Variants in ERCC8 observed in about 807,000 individuals in gnomAD.
The protein encoded by ERCC8 is DNA excision repair protein ERCC-8.
Under a neutral mutation model 54.9 loss-of-function variants are expected in ERCC8, and 52 were observed. The ratio of observed to expected loss-of-function variants is 0.95; its 90% CI spans 0.76 to 1.19. ERCC8 has a LOEUF of 1.19. Among genes scored for constraint, ERCC8 ranks in the 50% most tolerant of loss-of-function variants. The pLI, the probability that ERCC8 is intolerant of heterozygous loss-of-function variation, is 0.00. For synonymous variants in ERCC8, 146 were observed against 157.2 expected (o/e 0.93, Z 0.53); for missense variants, 514 against 466.1 (o/e 1.10, Z -0.95).
intron 4 of ERCC8, among the ~76,000 whole-genome samples, chr5:60,912,070 T>C (rs896957373): frequency 8.5e-5 from 13 of 152,108 alleles, no homozygotes; most frequent in Middle Eastern, 3.4e-3. Context: ...GTCTTGGTAA[T>C]GCGGGCTCTT....
chr5:60,944,410 C>CCTTA (rs1750361529), intron 1 of ERCC8, among the ~76,000 whole-genome samples: 1 of 152,170 alleles, frequency 6.6e-6, no homozygotes, highest in East Asian at 1.9e-4. Flanking sequence ...CACCTCTACT[C>CCTTA]AAGTACACAA....
At position 60,906,154 on chromosome 5, in the gene ERCC8, A is replaced by C. The variant is rs563580519; in HGVS notation, c.400-1281T>G. Among the ~76,000 whole-genome samples the C allele has an allele frequency of 4.6e-5, 7 of 152,280 alleles. No homozygotes were observed. In the South Asian group the frequency reaches 1.2e-3, roughly 27 times the overall value. On this transcript the variant is annotated intron_variant, in intron 4 of 11. Transcript: ENST00000676185. Reference sequence around the variant, plus strand: ...CCGGAATAATGGCTGGCAATCATTTATGTCTCTTTATTTATTTATTTATGA... The same window carrying C: ...CCGGAATAATGGCTGGCAATCATTTCTGTCTCTTTATTTATTTATTTATGA...
At chr5:60,878,876 T>C (rs1748108757) in intron 11 of ERCC8, among the ~76,000 whole-genome samples, 1 of 152,358 alleles carries the variant, frequency 6.6e-6, no homozygotes, top group East Asian at 1.9e-4. Context: ...CCTTCAGTTC[T>C]GCTCTGACCT....
At chr5:60,893,271 T>C (rs1748621349) in intron 9 of ERCC8, 3 of 1,016,812 alleles carry the variant, frequency 3.0e-6, no homozygotes, top group East Asian at 4.8e-5. Flanking sequence ...TGAGGAAACA[T>C]ATTTAATTCC....
chr5:60,945,012 G>A lies in ERCC8; in HGVS notation c.-4C>T, dbSNP rs752526268. On this transcript the variant is annotated 5_prime_UTR_variant, in exon 1 of 12. The change creates a new upstream start codon in the 5' untranslated region. Transcript: ENST00000676185. ...GTGCGGACAAAAACCCCAGCATATC[G>A]TGTCCTCACACCGGCTGGAGCACTG... 3.7e-6 allele frequency: 6 copies of A among 1,612,962 alleles called. No homozygotes were observed. The highest frequency in any genetic ancestry group is 3.3e-5 in the Admixed American group (2 of 60,004).
At chr5:60,925,945 T>C (rs1749735630) in intron 2 of ERCC8, among the ~76,000 whole-genome samples, 2 of 152,132 alleles carry the variant, frequency 1.3e-5, no homozygotes. Context: ...TGCCTCAGCC[T>C]CCAGAGTAGC....
chr5:60,936,497 G>T (rs1244319999), intron 1 of ERCC8, among the ~76,000 whole-genome samples: 2 of 151,870 alleles, frequency 1.3e-5, no homozygotes, highest in South Asian at 2.1e-4. Context: ...TTTGTGTTTT[G>T]TTGTTGTTGT....
intron 10 of ERCC8, among the ~76,000 whole-genome samples, chr5:60,887,943 C>T (rs1748444261): frequency 1.3e-5 from 2 of 152,210 alleles, no homozygotes. Context: ...ATTTAACTTA[C>T]AGCTGCCTAA....
At chr5:60,879,748 C>G (rs139800798) in intron 11 of ERCC8, among the ~76,000 whole-genome samples, 2,397 of 152,244 alleles carry the variant, frequency 0.016, 77 homozygotes, top group African/African-American at 0.055. Context: ...TTATTTTCAG[C>G]CTATGTGTGT....
intron 1 of ERCC8, among the ~76,000 whole-genome samples, chr5:60,934,012 T>C (rs991021378): frequency 2.0e-5 from 3 of 152,190 alleles, no homozygotes; most frequent in African/African-American, 7.2e-5. Context: ...TGGTTCTATA[T>C]TTTTGCACTT....
At chr5:60,893,381 G>A in intron 9 of ERCC8, 1 of 853,586 alleles carries the variant, frequency 1.2e-6, no homozygotes, top group Non-Finnish European at 2.0e-6. Flanking sequence ...TTGCTCCTGG[G>A]CAGCTTGCTG....
rs1037847325 is a variant in ERCC8, at chr5:60,928,973, G to C, written c.78-14C>G. The stretch of plus-strand genomic sequence containing the variant: ...AGTCCCAAAACTCTTAAAAATAAAA[G>C]GGGGAGAAAGAAATTAACAAGTAAT... On this transcript the variant is annotated splice_polypyrimidine_tract_variant and intron_variant, in intron 1 of 11. Transcript: ENST00000676185. The C allele has an allele frequency of 1.4e-6, 2 of 1,419,482 alleles. No homozygotes were observed. The highest frequency in any genetic ancestry group is 1.2e-5 in the South Asian group (1 of 85,440). 87.9% of individuals were successfully genotyped at this position (1,419,482 alleles called of 1,614,324 possible).
chr5:60,881,998 G>A (rs1460955657), intron 11 of ERCC8, among the ~76,000 whole-genome samples: 2 of 152,094 alleles, frequency 1.3e-5, no homozygotes, highest in Admixed American at 1.3e-4. Flanking sequence ...GGCCATCTTG[G>A]CTCCACCTAG....
At chr5:60,914,890 G>C (rs192050332) in intron 4 of ERCC8, among the ~76,000 whole-genome samples, 18 of 150,872 alleles carry the variant, frequency 1.2e-4, no homozygotes, top group Admixed American at 5.3e-4. Flanking sequence ...CTATTAACAT[G>C]ATGAATTACA....
intron 4 of ERCC8, chr5:60,917,366 T>C (rs779109084): frequency 2.0e-5 from 3 of 152,028 alleles, no homozygotes; most frequent in South Asian, 2.1e-4. Context: ...TGGTAGAACA[T>C]AGGATTGAAG....
chr5:60,884,425 G>A (rs1326099077), intron 11 of ERCC8, among the ~76,000 whole-genome samples: 2 of 144,826 alleles, frequency 1.4e-5, no homozygotes, highest in African/African-American at 5.1e-5. Context: ...GCAGTGAACC[G>A]AGATTGTGCC....
rs191886629 is a variant in ERCC8, at chr5:60,938,011, G to A, written c.77+6921C>T. On this transcript the variant is annotated intron_variant, in intron 1 of 11. Transcript: ENST00000676185. ...GTTCAATGAGTTAATATGTATGCGTGTGTGTGTGTGTGTATACATACATAC... is the reference window on the plus strand; with the variant it reads ...GTTCAATGAGTTAATATGTATGCGTATGTGTGTGTGTGTATACATACATAC... Among the ~76,000 whole-genome samples, 1,116 of 140,166 alleles carry A rather than the reference G, an allele frequency of 8.0e-3. 27 individuals are homozygous for A. Among genetic ancestry groups the A allele is most frequent in the African/African-American group, 0.028 (1,056 of 37,654 alleles). The allele number at this position is 140,166 out of a possible 152,430, so 92.0% of individuals were successfully genotyped here. A position where few individuals can be genotyped will look rare whatever the true frequency, so the allele number is the denominator to read the frequency against.
intron 1 of ERCC8, among the ~76,000 whole-genome samples, chr5:60,939,484 TTTA>T (rs1750192737): frequency 6.8e-6 from 1 of 146,732 alleles, no homozygotes; most frequent in Admixed American, 6.8e-5. Context: ...ACTTCTTTTT[TTTA>T]ATTTTTAGAT....
Position 60,874,646 on chromosome 5 carries a change from T to C in ERCC8, c.1160A>G (p.Asp387Gly), listed in dbSNP as rs1472065974. 6.2e-7 allele frequency: 1 copy of C among 1,612,634 alleles called. No homozygotes were observed. The highest frequency in any genetic ancestry group is 1.7e-5 in the Admixed American group (1 of 59,900). Residue 387 changes from aspartate to glycine, a missense_variant, in exon 12 of 12, where the codon GAT becomes GGT. Transcript: ENST00000676185. ...TTCTTCATCACTGCTGCTCCAGGCATCTTCAAAGGCCGGATTTAATTGTGA... is the reference window on the plus strand; with the variant it reads ...TTCTTCATCACTGCTGCTCCAGGCACCTTCAAAGGCCGGATTTAATTGTGA... Reference protein sequence around the residue: ...TKSQLNPAFEDAWSSSDEEG With the variant: ...TKSQLNPAFEGAWSSSDEEG
Sources: allele counts gnomAD v4.1 joint callset (sites outside exome capture counted in the v4.1 genomes callset), GRCh38; gene constraint gnomAD v4.1.1; transcripts MANE v1.5; gene names NCBI Gene and HGNC (gene_info 2026-07-23, HGNC 2026-07-21).